Variants in COL6A6 observed in about 807,000 individuals in gnomAD.
COL6A6 encodes collagen alpha-6(VI) chain.
COL6A6 carries 183 observed loss-of-function variants against 208.6 expected under a neutral mutation model. The observed-to-expected ratio is 0.88, with a 90% CI of 0.78 to 0.99. The LOEUF (loss-of-function observed/expected upper bound fraction) is 0.99. Among genes scored for constraint, COL6A6 ranks in the 50% least tolerant of loss-of-function variants. COL6A6 has a pLI of 0.00. For missense variants in COL6A6, 2,816 were observed against 2,815.2 expected, an observed-to-expected ratio of 1.00 and a Z score of -0.01; for synonymous variants, 973 against 1,011.8, an observed-to-expected ratio of 0.96 and a Z score of 0.73.
intron 33 of COL6A6, among the ~76,000 whole-genome samples, chr3:130,658,447 CTT>C (rs2065853682): frequency 6.6e-6 from 1 of 152,178 alleles, no homozygotes; most frequent in African/African-American, 2.4e-5. Context: ...TAGTAGTACT[CTT>C]ATTTTACAGA....
intron 28 of COL6A6, among the ~76,000 whole-genome samples, chr3:130,638,889 T>C (rs1301673001): frequency 6.6e-6 from 1 of 152,232 alleles, no homozygotes; most frequent in Non-Finnish European, 1.5e-5. Flanking sequence ...TGATATTTCC[T>C]GGGTTTTATG....
chr3:130,599,857 G>A (rs754890988), intron 20 of COL6A6, 47 bp downstream of exon 20: 3 of 1,591,096 alleles, frequency 1.9e-6, no homozygotes, highest in Non-Finnish European at 2.6e-6. Context: ...GGTGGCTCAT[G>A]TTGTGGTGAA....
At chr3:130,609,529 G>A (rs1273193209) in intron 22 of COL6A6, among the ~76,000 whole-genome samples, 1 of 152,134 alleles carries the variant, frequency 6.6e-6, no homozygotes, top group African/African-American at 2.4e-5. Flanking sequence ...GGTTGCATGA[G>A]GGGTCACATG....
At chr3:130,582,935 A>G (rs1176892202) in intron 10 of COL6A6, among the ~76,000 whole-genome samples, 1 of 152,204 alleles carries the variant, frequency 6.6e-6, no homozygotes, top group Admixed American at 6.5e-5. Context: ...TTTATGCTCC[A>G]GAGCTTCCTG....
At chr3:130,657,817 G>A (rs1389374988) in intron 33 of COL6A6, among the ~76,000 whole-genome samples, 1 of 152,192 alleles carries the variant, frequency 6.6e-6, no homozygotes, top group Non-Finnish European at 1.5e-5. Context: ...GAGAAAGAGG[G>A]TAGTCATTAG....
chr3:130,518,725 C>T (rs1482008284), intron 1 of COL6A6, among the ~76,000 whole-genome samples: 1 of 152,068 alleles, frequency 6.6e-6, no homozygotes, highest in African/African-American at 2.4e-5. Context: ...AGGTTGGTCT[C>T]GAACTCCTGA....
chr3:130,604,039 G>A (rs191698231), intron 20 of COL6A6, among the ~76,000 whole-genome samples: 27 of 152,302 alleles, frequency 1.8e-4, no homozygotes, highest in East Asian at 1.7e-3. Context: ...TTTGCAAGTC[G>A]TTGGGTAAAC....
At chr3:130,573,042 A>G (rs1577744539) in intron 7 of COL6A6, among the ~76,000 whole-genome samples, 1 of 152,250 alleles carries the variant, frequency 6.6e-6, no homozygotes, top group East Asian at 1.9e-4. Context: ...GCTTGTTCAC[A>G]AATATTTTTC....
intron 31 of COL6A6, among the ~76,000 whole-genome samples, chr3:130,644,658 A>G (rs1285840318): frequency 6.6e-6 from 1 of 152,200 alleles, no homozygotes; most frequent in Non-Finnish European, 1.5e-5. Context: ...TAGAGTAAAG[A>G]GAGGTTGGAT....
At chr3:130,655,632 T>C (rs1370368983) in intron 33 of COL6A6, among the ~76,000 whole-genome samples, 1 of 152,178 alleles carries the variant, frequency 6.6e-6, no homozygotes, top group Non-Finnish European at 1.5e-5. Context: ...TGGGAGTCAC[T>C]GGAAGTCTAC....
intron 1 of COL6A6, among the ~76,000 whole-genome samples, chr3:130,525,514 A>G (rs1195493250): frequency 2.0e-5 from 3 of 152,222 alleles, no homozygotes; most frequent in Non-Finnish European, 4.4e-5. Flanking sequence ...CTAGAATTTC[A>G]GAGCAGAAAT....
At chr3:130,613,281 C>T (rs2064415569) in intron 23 of COL6A6, among the ~76,000 whole-genome samples, 1 of 152,184 alleles carries the variant, frequency 6.6e-6, no homozygotes, top group Non-Finnish European at 1.5e-5. Flanking sequence ...GTCTTTTCCT[C>T]ATTGCTTGTT....
chr3:130,570,849 G>C lies in COL6A6; in HGVS notation c.2433G>C (p.Val811=). The C allele has an allele frequency of 6.2e-7, 1 of 1,613,390 alleles. No individual in the cohort carries two copies. The highest frequency in any genetic ancestry group is 1.1e-5 in the South Asian group (1 of 91,000). Reference sequence around the variant, plus strand: ...AGCGGATTGAAGTTTTAGACGTTGTGTTTGTCATTGATAGCTCTGGCAGTA... The same window carrying C: ...AGCGGATTGAAGTTTTAGACGTTGTCTTTGTCATTGATAGCTCTGGCAGTA... ...ECKRIEVLDV[V]FVIDSSGSID... The change falls in exon 7 of 37, where the codon GTG becomes GTC. Residue 811 remains valine, a synonymous_variant. Transcript: ENST00000358511.
chr3:130,667,519 G>A (rs1248296854), intron 36 of COL6A6, among the ~76,000 whole-genome samples: 4 of 152,098 alleles, frequency 2.6e-5, no homozygotes, highest in African/African-American at 7.2e-5. Context: ...GATTACAGGC[G>A]TGAGCCACCG....
intron 1 of COL6A6, among the ~76,000 whole-genome samples, chr3:130,519,298 ACTT>A (rs760840108): frequency 3.3e-5 from 5 of 152,198 alleles, no homozygotes; most frequent in Non-Finnish European, 5.9e-5. Context: ...ACTAAAAAGA[ACTT>A]CTCTGTCAGT....
rs557020504 is a variant in COL6A6, at chr3:130,635,748, C to G, written c.5078C>G (p.Ala1693Gly). ...CCAGGAGAGACTGGGCTGAAGGGAG[C>G]TAGAGGCAAAATGGTAAGCTTCTTA... ...GGPGETGLKG[A>G]RGKMISAGLP... Residue 1693 changes from alanine (A) to glycine (G), a missense_variant, in exon 28 of 37, where the codon GCT becomes GGT. Physicochemically the swap from Ala to Gly is moderately conservative, Grantham distance 60. Coordinates refer to ENST00000358511, the MANE Select transcript of COL6A6 (RefSeq NM_001102608.3). 8.7e-6 allele frequency: 14 copies of G among 1,611,760 alleles called. No homozygotes were observed. Among genetic ancestry groups the G allele is most frequent in the Non-Finnish European group, 1.2e-5 (14 of 1,178,180 alleles).
At chr3:130,577,813 G>A (rs955063840) in intron 8 of COL6A6, among the ~76,000 whole-genome samples, 1 of 152,216 alleles carries the variant, frequency 6.6e-6, no homozygotes, top group Non-Finnish European at 1.5e-5. Flanking sequence ...AGTGTTCATT[G>A]AGAGTTAGCT....
At chr3:130,664,463 C>T (rs1291819071) in intron 35 of COL6A6, among the ~76,000 whole-genome samples, 1 of 152,078 alleles carries the variant, frequency 6.6e-6, no homozygotes, top group African/African-American at 2.4e-5. Flanking sequence ...TAAGAATTCC[C>T]ATCAAAAATG....
At chr3:130,532,897 T>C (rs1211550801) in intron 1 of COL6A6, among the ~76,000 whole-genome samples, 1 of 152,118 alleles carries the variant, frequency 6.6e-6, no homozygotes, top group African/African-American at 2.4e-5. Flanking sequence ...TCTCCTGACC[T>C]CTTCACAAAG....
Sources: gnomAD v4.1 joint callset for allele counts (sites outside exome capture counted in the v4.1 genomes callset) on GRCh38, gnomAD v4.1.1 for gene constraint, MANE v1.5 for transcripts, NCBI Gene and HGNC (gene_info 2026-07-23, HGNC 2026-07-21) for gene names.